Variants in PDE1A observed in about 807,000 individuals in gnomAD.
PDE1A encodes phosphodiesterase 1A, also known as dual specificity calcium/calmodulin-dependent 3',5'-cyclic nucleotide phosphodiesterase 1A.
A neutral mutation model predicts 61.7 loss-of-function variants in PDE1A; 35 were observed. The ratio of observed to expected loss-of-function variants is 0.57; its 90% confidence interval spans 0.43 to 0.75. PDE1A has a LOEUF of 0.75. Among genes scored for constraint, PDE1A ranks in the 30% least tolerant of loss-of-function variants. The pLI is 0.00. For missense variants in PDE1A, 597 were observed against 630.6 expected (o/e 0.95, Z 0.57); for synonymous variants, 232 against 213.2 (o/e 1.09, Z -0.77).
chr2:182,328,045 G>C (rs537834798), intron 1 of PDE1A, among the ~76,000 whole-genome samples: 2 of 152,290 alleles, frequency 1.3e-5, no homozygotes, highest in South Asian at 4.1e-4. Flanking sequence ...GGTGCTGTTA[G>C]GGAGGTAGAT....
chr2:182,563,349 C>T, the PDE1A span, among the ~76,000 whole-genome samples: 4 of 152,032 alleles, frequency 2.6e-5, no homozygotes, highest in African/African-American at 9.7e-5. Flanking sequence ...GTTCAGTTTC[C>T]ATGTAGTTAA....
chr2:182,454,981 G>T (rs1394335376), intron 2 of PDE1A, among the ~76,000 whole-genome samples: 2 of 151,562 alleles, frequency 1.3e-5, no homozygotes, highest in Non-Finnish European at 2.9e-5. Flanking sequence ...CCTACAAAAT[G>T]GGAGAAAATT....
intron 2 of PDE1A, among the ~76,000 whole-genome samples, chr2:182,511,345 C>T (rs182215889): frequency 8.6e-5 from 13 of 152,044 alleles, no homozygotes; most frequent in East Asian, 2.0e-4. Context: ...AAGGAGGCTG[C>T]GAATGCTGTA....
the PDE1A span, among the ~76,000 whole-genome samples, chr2:182,684,865 A>G: frequency 6.6e-6 from 1 of 152,126 alleles, no homozygotes; most frequent in Admixed American, 6.5e-5. Flanking sequence ...AATTTCTTAA[A>G]TGATGTATTA....
chr2:182,584,101 C>G, the PDE1A span, among the ~76,000 whole-genome samples: 1 of 152,168 alleles, frequency 6.6e-6, no homozygotes, highest in Non-Finnish European at 1.5e-5. Context: ...TTGCAAGGAG[C>G]CACAAGGAGT....
At chr2:182,168,400 C>T (rs889953038) in intron 13 of PDE1A, 4 of 979,450 alleles carry the variant, frequency 4.1e-6, no homozygotes, top group Non-Finnish European at 5.8e-6. Context: ...TAAAAAATTA[C>T]TGTCGTAAAA....
intron 2 of PDE1A, among the ~76,000 whole-genome samples, chr2:182,262,746 T>G (rs939991224): frequency 2.8e-5 from 4 of 143,006 alleles, no homozygotes; most frequent in Non-Finnish European, 6.2e-5. Context: ...AAAAGGAAAC[T>G]TTTAAGTTTC....
the PDE1A span, among the ~76,000 whole-genome samples, chr2:182,613,368 T>C: frequency 0.63 from 95,153 of 151,822 alleles, 30,065 homozygotes; most frequent in Admixed American, 0.73. Context: ...CAAGAACATC[T>C]TGGCTAACAC....
the PDE1A span, among the ~76,000 whole-genome samples, chr2:182,585,451 A>C: frequency 1.3e-5 from 2 of 152,316 alleles, no homozygotes; most frequent in South Asian, 4.1e-4. Flanking sequence ...GAGTCAAATA[A>C]TAGATTTGTC....
chr2:182,402,652 G>T (rs1702071975), intron 1 of PDE1A, among the ~76,000 whole-genome samples: 1 of 152,152 alleles, frequency 6.6e-6, no homozygotes, highest in African/African-American at 2.4e-5. Context: ...AAAAGCAATG[G>T]CAACAAAAGC....
intron 1 of PDE1A, among the ~76,000 whole-genome samples, chr2:182,416,672 A>G (rs1295955741): frequency 6.6e-6 from 1 of 152,212 alleles, no homozygotes. Flanking sequence ...GACTAGCTGA[A>G]GCACAGTGAA....
At chr2:182,579,181 T>C in the PDE1A span, among the ~76,000 whole-genome samples, 2 of 152,206 alleles carry the variant, frequency 1.3e-5, no homozygotes, top group African/African-American at 2.4e-5. Context: ...CATGCTACAA[T>C]GGATTTAAGA....
the PDE1A span, among the ~76,000 whole-genome samples, chr2:182,697,003 G>A: frequency 6.6e-6 from 1 of 152,062 alleles, no homozygotes; most frequent in Non-Finnish European, 1.5e-5. Flanking sequence ...AGCTTGAGCT[G>A]ATCACTATAT....
At chr2:182,603,099 G>T in the PDE1A span, among the ~76,000 whole-genome samples, 1 of 152,174 alleles carries the variant, frequency 6.6e-6, no homozygotes, top group East Asian at 1.9e-4. Flanking sequence ...ACATTAATTT[G>T]AAAGGCAACT....
At chr2:182,560,577 C>A in the PDE1A span, among the ~76,000 whole-genome samples, 2 of 151,722 alleles carry the variant, frequency 1.3e-5, no homozygotes, top group African/African-American at 4.8e-5. Flanking sequence ...GGGTATATAC[C>A]CAGTAATGGG....
At chr2:182,371,881 C>A (rs1025490584) in intron 1 of PDE1A, among the ~76,000 whole-genome samples, 1 of 152,180 alleles carries the variant, frequency 6.6e-6, no homozygotes, top group Non-Finnish European at 1.5e-5. Context: ...GTTTCCTGGG[C>A]TCAAGGGATC....
At chr2:182,581,956 C>T in the PDE1A span, among the ~76,000 whole-genome samples, 1 of 152,076 alleles carries the variant, frequency 6.6e-6, no homozygotes, top group Admixed American at 6.6e-5. Context: ...CTAAAGCAAG[C>T]TCTCCAACTG....
At chr2:182,211,676 C>A (rs1292396877) in intron 7 of PDE1A, among the ~76,000 whole-genome samples, 1 of 152,138 alleles carries the variant, frequency 6.6e-6, no homozygotes, top group Non-Finnish European at 1.5e-5. Context: ...TTACTTATTT[C>A]ATCAAAGTTT....
intron 2 of PDE1A, among the ~76,000 whole-genome samples, chr2:182,253,910 A>G (rs1691585993): frequency 6.6e-6 from 1 of 152,326 alleles, no homozygotes; most frequent in South Asian, 2.1e-4. Context: ...TCTAATTTAT[A>G]GGCATTTTTG....
Sources: allele counts gnomAD v4.1 joint callset (sites outside exome capture counted in the v4.1 genomes callset), GRCh38; gene constraint gnomAD v4.1.1; transcripts MANE v1.5; gene names NCBI Gene and HGNC (gene_info 2026-07-23, HGNC 2026-07-21).